Variants in TMEM266 observed in about 807,000 individuals in gnomAD.
TMEM266 encodes the protein Hv1 related protein 1.
In TMEM266, 33 loss-of-function variants were observed where a neutral mutation model predicts 50.5. That is an observed-to-expected ratio of 0.65 (90% confidence interval 0.50 to 0.87). The LOEUF (loss-of-function observed/expected upper bound fraction) is 0.87. Among genes scored for constraint, TMEM266 ranks in the 40% least tolerant of loss-of-function variants. The pLI, the probability that TMEM266 is intolerant of heterozygous loss-of-function variation, is 0.00. For synonymous variants in TMEM266, 310 were observed against 292.3 expected (o/e 1.06, Z -0.62); for missense variants, 655 against 695.1 (o/e 0.94, Z 0.65).
chr15:76,061,300 A>C (rs1384174737), intron 1 of TMEM266, among the ~76,000 whole-genome samples: 1 of 152,210 alleles, frequency 6.6e-6, no homozygotes, highest in Admixed American at 6.5e-5. Flanking sequence ...TACTGAGCTA[A>C]AACTATTTGT....
intron 4 of TMEM266, 33 bp downstream of exon 4, chr15:76,156,791 A>G (rs1342843651): frequency 4.4e-6 from 7 of 1,603,018 alleles, no homozygotes; most frequent in Non-Finnish European, 6.0e-6. Context: ...ATGCCAATAC[A>G]TATGATGTCA....
At chr15:76,106,030 C>G (rs780981150) in intron 1 of TMEM266, among the ~76,000 whole-genome samples, 8 of 152,108 alleles carry the variant, frequency 5.3e-5, no homozygotes, top group Non-Finnish European at 8.8e-5. Flanking sequence ...GTCTAGCAAC[C>G]TCTCTCCTCC....
intron 1 of TMEM266, among the ~76,000 whole-genome samples, chr15:76,126,352 C>T (rs1018413448): frequency 7.4e-6 from 1 of 135,076 alleles, no homozygotes; most frequent in East Asian, 2.3e-4. Flanking sequence ...TGTGTGTGTA[C>T]ACACACACAC....
intron 1 of TMEM266, among the ~76,000 whole-genome samples, chr15:76,130,835 T>C (rs555825643): frequency 6.6e-6 from 1 of 152,210 alleles, no homozygotes; most frequent in African/African-American, 2.4e-5. Context: ...TTAAAAAAAA[T>C]TTTTCATAAT....
rs779182339 is a variant in TMEM266 at position 76,204,093 on chromosome 15, G to C, written c.1374G>C (p.Leu458Phe). Reference sequence around the variant, plus strand: ...ACCCCTGCCCTTCCCAGAAGGCCTTGGACCCAGCCCCCCTCGCCCGGCCCA... The same window carrying C: ...ACCCCTGCCCTTCCCAGAAGGCCTTCGACCCAGCCCCCCTCGCCCGGCCCA... The change falls in exon 11 of 11, where the codon TTG (leucine) becomes TTC (phenylalanine). Residue 458 changes from leucine to phenylalanine, a missense_variant. Transcript: ENST00000388942. 1 of 1,612,648 alleles carries C rather than the reference G, an allele frequency of 6.2e-7. No individual in the cohort carries two copies. Among genetic ancestry groups the C allele is most frequent in the African/African-American group, 1.3e-5 (1 of 74,868 alleles).
At chr15:76,164,203 C>A (rs994934041) in intron 5 of TMEM266, among the ~76,000 whole-genome samples, 5 of 152,092 alleles carry the variant, frequency 3.3e-5, no homozygotes, top group African/African-American at 1.2e-4. Context: ...TGTAGCACAG[C>A]ACACTTTCTT....
intron 3 of TMEM266, among the ~76,000 whole-genome samples, chr15:76,155,764 A>G (rs2037914881): frequency 6.6e-6 from 1 of 152,182 alleles, no homozygotes; most frequent in Non-Finnish European, 1.5e-5. Context: ...CTGTGGAACT[A>G]GTGTTCCACT....
At chr15:76,112,031 T>C (rs985747748) in intron 1 of TMEM266, 1 of 152,134 alleles carries the variant, frequency 6.6e-6, no homozygotes, top group Non-Finnish European at 1.5e-5. Context: ...AAGAAGCCAA[T>C]CTTAGAAGGC....
chr15:76,099,487 C>T (rs749755142), intron 1 of TMEM266, among the ~76,000 whole-genome samples: 16 of 152,346 alleles, frequency 1.1e-4, no homozygotes, highest in South Asian at 4.1e-4. Flanking sequence ...GTGTCGACCT[C>T]GCTGGGAGCT....
chr15:76,171,264 AG>A, intron 7 of TMEM266, 133 bp downstream of exon 7: 2 of 1,286,962 alleles, frequency 1.6e-6, no homozygotes, highest in Non-Finnish European at 2.1e-6. Context: ...CGGCAGGGAG[AG>A]GGGCCAGCTG....
intron 1 of TMEM266, among the ~76,000 whole-genome samples, chr15:76,094,086 G>A (rs2036890595): frequency 6.6e-6 from 1 of 152,018 alleles, no homozygotes; most frequent in Non-Finnish European, 1.5e-5. Flanking sequence ...TCTGATGATA[G>A]TTTCTTTTGC....
chr15:76,108,445 C>G (rs1486844904), intron 1 of TMEM266, among the ~76,000 whole-genome samples: 1 of 152,208 alleles, frequency 6.6e-6, no homozygotes, highest in Non-Finnish European at 1.5e-5. Flanking sequence ...ACTGTAACGT[C>G]TTATAAATCT....
At chr15:76,182,329 T>G (rs1176009065) in intron 8 of TMEM266, among the ~76,000 whole-genome samples, 2 of 151,858 alleles carry the variant, frequency 1.3e-5, no homozygotes, top group Admixed American at 6.6e-5. Flanking sequence ...CTGGAGGCTT[T>G]CAGTAAGGGT....
At chr15:76,185,475 C>G (rs2038478938) in intron 8 of TMEM266, among the ~76,000 whole-genome samples, 1 of 152,158 alleles carries the variant, frequency 6.6e-6, no homozygotes, top group Non-Finnish European at 1.5e-5. Flanking sequence ...TGATTTGATT[C>G]TTTTTATAGA....
chr15:76,171,216 G>A, intron 7 of TMEM266, 85 bp downstream of exon 7: 2 of 1,535,464 alleles, frequency 1.3e-6, no homozygotes, highest in African/African-American at 1.4e-5. Context: ...TGTGATGGGG[G>A]TACACCCTGC....
rs748227369 is a variant in TMEM266, at chr15:76,203,844, C to T, written c.1125C>T (p.Leu375=). The T allele has an allele frequency of 3.1e-6, 5 of 1,614,226 alleles. No homozygotes were observed. Among genetic ancestry groups the T allele is most frequent in the East Asian group, 2.2e-5 (1 of 44,884 alleles). Residue 375 remains leucine, a synonymous_variant, in exon 11 of 11, where the codon CTC becomes CTT. Transcript: ENST00000388942. ...ACCTCTTCTCTCTGGACATGCCCCT[C>T]AAACTCGGCGGTAATGGCACCAGCG...
intron 1 of TMEM266, among the ~76,000 whole-genome samples, chr15:76,133,174 C>T (rs1401994781): frequency 1.3e-5 from 2 of 151,840 alleles, no homozygotes; most frequent in Non-Finnish European, 2.9e-5. Context: ...TGGCTCACGC[C>T]TGTAATCCCA....
intron 3 of TMEM266, among the ~76,000 whole-genome samples, chr15:76,143,392 G>A (rs1159542877): frequency 1.3e-5 from 2 of 152,148 alleles, no homozygotes; most frequent in African/African-American, 2.4e-5. Context: ...GTTCTCAAGC[G>A]CATCAGCCAC....
chr15:76,189,121 G>A (rs1213271765), intron 8 of TMEM266, among the ~76,000 whole-genome samples: 4 of 152,202 alleles, frequency 2.6e-5, no homozygotes, highest in African/African-American at 7.2e-5. Flanking sequence ...GAACCCATGA[G>A]TACAAGGCTG....
Sources: gnomAD v4.1 joint callset for allele counts (sites outside exome capture counted in the v4.1 genomes callset) on GRCh38, gnomAD v4.1.1 for gene constraint, MANE v1.5 for transcripts, NCBI Gene and HGNC (gene_info 2026-07-23, HGNC 2026-07-21) for gene names.